The following FKBP9 variants were observed in gnomAD, a reference collection of about 807,000 sequenced individuals.
FKBP9 encodes the protein FKBP prolyl isomerase 9.
A neutral mutation model predicts 55.6 loss-of-function variants in FKBP9; 27 were observed. The observed-to-expected ratio is 0.49, with a 90% CI of 0.36 to 0.67. The LOEUF is 0.67. Among genes scored for constraint, FKBP9 ranks in the 30% least tolerant of loss-of-function variants. The pLI is 0.00. For missense variants in FKBP9, 539 were observed against 742.8 expected (o/e 0.73, Z 3.19); for synonymous variants, 267 against 296.5 (o/e 0.90, Z 1.02).
At chr7:32,965,288 A>C (rs1784110523) in intron 1 of FKBP9, among the ~76,000 whole-genome samples, 1 of 151,738 alleles carries the variant, frequency 6.6e-6, no homozygotes, top group Non-Finnish European at 1.5e-5. Flanking sequence ...ATGCTACCAC[A>C]CCTGGCTAAT....
At chr7:32,984,674 C>T (rs1316734422) in intron 5 of FKBP9, among the ~76,000 whole-genome samples, 12 of 152,204 alleles carry the variant, frequency 7.9e-5, no homozygotes, top group South Asian at 2.1e-4. Context: ...GTGTTAACAA[C>T]GTTCTGCAGT....
Position 33,004,236 on chromosome 7 carries a change from G to A in FKBP9, c.1537-939G>A, listed in dbSNP as rs117907309. On this transcript the variant is annotated intron_variant, in intron 9 of 9. Transcript: ENST00000242209. ...TCTTTCCCGGGTCACACACAGCAGT[G>A]GTGTTCATGAAGCTCCTCCTGCCCT... is the stretch of plus-strand genomic sequence containing the variant. Among the ~76,000 whole-genome samples, 1,548 of 152,162 alleles carry A rather than the reference G, an allele frequency of 0.01. 58 individuals carry two copies. The East Asian group carries it at 0.14, about 13-fold the overall frequency.
chr7:32,968,569 T>C (rs991697391), intron 1 of FKBP9, among the ~76,000 whole-genome samples: 1 of 150,564 alleles, frequency 6.6e-6, no homozygotes, highest in African/African-American at 2.5e-5. Context: ...GGTTTTCTTT[T>C]TCTTTCTTTT....
chr7:32,959,891 T>C (rs999568381), intron 1 of FKBP9, among the ~76,000 whole-genome samples: 1 of 152,214 alleles, frequency 6.6e-6, no homozygotes, highest in African/African-American at 2.4e-5. Context: ...AATGATGTTA[T>C]GAACATTCAT....
intron 1 of FKBP9, among the ~76,000 whole-genome samples, chr7:32,961,824 T>C (rs1784031004): frequency 6.6e-6 from 1 of 151,842 alleles, no homozygotes; most frequent in South Asian, 2.1e-4. Context: ...GAGAATCTAA[T>C]GCGTGATGAT....
chr7:33,001,672 A>G (rs1003698051), intron 8 of FKBP9, among the ~76,000 whole-genome samples: 5 of 152,118 alleles, frequency 3.3e-5, no homozygotes, highest in Non-Finnish European at 7.4e-5. Context: ...TTACCTTTAT[A>G]TATTCCATAC....
At position 32,988,506 on chromosome 7, in the gene FKBP9, G is replaced by T. The variant is rs1379238504; in HGVS notation, c.894-1G>T. 48 of 1,613,628 alleles carry T rather than the reference G, an allele frequency of 3.0e-5. No homozygotes were observed. Among genetic ancestry groups the T allele is most frequent in the Non-Finnish European group, 3.9e-5 (46 of 1,179,792 alleles). On this transcript the variant is annotated splice_acceptor_variant, in intron 5 of 9. Coordinates refer to ENST00000242209, the MANE Select transcript of FKBP9 (RefSeq NM_007270.5). LOFTEE classifies it high-confidence loss of function. ...TCTTTCTTTCCTTTCTTCTTTTCTA[G>T]CTACTCTCGGAACCGCACGTTTGAC... is the stretch of plus-strand genomic sequence containing the variant.
intron 1 of FKBP9, among the ~76,000 whole-genome samples, chr7:32,973,070 A>G (rs1784283107): frequency 6.6e-6 from 1 of 152,174 alleles, no homozygotes; most frequent in Non-Finnish European, 1.5e-5. Context: ...CGCGTCAGTG[A>G]GTAAAAATCT....
At chr7:32,971,327 T>A (rs1413622101) in intron 1 of FKBP9, among the ~76,000 whole-genome samples, 2 of 152,232 alleles carry the variant, frequency 1.3e-5, no homozygotes, top group Admixed American at 1.3e-4. Context: ...TATATAAATG[T>A]ATACATTTTC....
rs756924304 is a variant in FKBP9 at position 32,988,665 on chromosome 7, A to G, written c.1039+13A>G. ...GAGGAAGGAAGAGGTGAGCATCAGC[A>G]TCACCTGCCTTCCTCACTAGCTGTG... On this transcript the variant is annotated intron_variant, in intron 6 of 9. Coordinates refer to ENST00000242209, the MANE Select transcript of FKBP9 (RefSeq NM_007270.5). 6.2e-7 allele frequency: 1 copy of G among 1,613,126 alleles called. No homozygotes were observed. Among genetic ancestry groups the G allele is most frequent in the Non-Finnish European group, 8.5e-7 (1 of 1,179,172 alleles).
chr7:32,957,601 C>G lies in FKBP9; in HGVS notation c.28C>G (p.Pro10Ala), dbSNP rs1435415359. Reference sequence around the variant, plus strand: ...GGCGTTCCGGGGCTGGAGGCCCCCGCCGCCACCGCTGCTCCTGCTGCTGCT... The same window carrying G: ...GGCGTTCCGGGGCTGGAGGCCCCCGGCGCCACCGCTGCTCCTGCTGCTGCT... The part of the protein sequence containing the change: MAFRGWRPP[P>A]PPLLLLLLWV... Residue 10 changes from proline (P) to alanine (A), a missense_variant, in exon 1 of 10, where the codon CCG (proline) becomes GCG (alanine). Physicochemically the swap from Pro to Ala is conservative, Grantham distance 27 (BLOSUM62 -1). This residue lies in a region of FKBP9 where 236 missense variants were observed against 271.5 expected (regional missense o/e 0.87). Transcript: ENST00000242209. The G allele has an allele frequency of 1.5e-5, 22 of 1,475,350 alleles. No individual in the cohort carries two copies. Among genetic ancestry groups the G allele is most frequent in the Middle Eastern group, 2.1e-4 (1 of 4,690 alleles). The allele number at this position is 1,475,350 out of a possible 1,614,324, so 91.4% of individuals were successfully genotyped here.
intron 6 of FKBP9, among the ~76,000 whole-genome samples, chr7:32,992,138 CAT>C (rs202192553): frequency 0.01 from 1,590 of 152,236 alleles, 31 homozygotes; most frequent in African/African-American, 0.037. Flanking sequence ...TGTTGATACC[CAT>C]ATGTGGAGAA....
intron 4 of FKBP9, among the ~76,000 whole-genome samples, chr7:32,977,122 G>C (rs1211719737): frequency 6.6e-6 from 1 of 152,192 alleles, no homozygotes; most frequent in East Asian, 1.9e-4. Flanking sequence ...ATTACAACTA[G>C]TGTCCTGTTT....
At chr7:32,965,866 T>TGTATACACATATATATAC (rs1554284360) in intron 1 of FKBP9, among the ~76,000 whole-genome samples, 18 of 97,524 alleles carry the variant, frequency 1.8e-4, no homozygotes, top group African/African-American at 8.5e-4. Flanking sequence ...TATATATATA[T>TGTATACACATATATATAC]ACATACATAT....
chr7:33,001,666 C>A (rs1234566551), intron 8 of FKBP9, among the ~76,000 whole-genome samples: 3 of 151,730 alleles, frequency 2.0e-5, no homozygotes, highest in African/African-American at 7.3e-5. Flanking sequence ...TACACATTAC[C>A]TTTATATATT....
chr7:32,960,123 T>TC lies in FKBP9; in HGVS notation c.221+2329_221+2330insC, dbSNP rs1457984717. Among the ~76,000 whole-genome samples the TC allele has an allele frequency of 8.0e-5, 12 of 149,542 alleles. No individual in the cohort carries two copies. In the East Asian group the frequency reaches 2.3e-3, roughly 29 times the overall value. On this transcript the variant is annotated intron_variant, in intron 1 of 9. Coordinates refer to ENST00000242209, the MANE Select transcript of FKBP9 (RefSeq NM_007270.5). ...TTGTACTTGTCTTTTTTTTTTTTTT[T>TC]TTTTTTGAGATGGAATTTTGCTCTT...
chr7:32,957,863 C>T, intron 1 of FKBP9, 69 bp downstream of exon 1: 6 of 1,201,676 alleles, frequency 5.0e-6, no homozygotes, highest in South Asian at 1.8e-5. Context: ...AGGCCTTTCC[C>T]TCCTGCCGGA....
chr7:32,975,423 T>C (rs1024841302), intron 3 of FKBP9, 52 bp downstream of exon 3: 2 of 1,472,118 alleles, frequency 1.4e-6, no homozygotes, highest in Non-Finnish European at 1.9e-6. Context: ...TGCATAGTTC[T>C]TTCCTTCTGT....
At chr7:33,003,207 G>A (rs541524892) in intron 9 of FKBP9, among the ~76,000 whole-genome samples, 4 of 152,170 alleles carry the variant, frequency 2.6e-5, no homozygotes, top group Non-Finnish European at 5.9e-5. Flanking sequence ...TAAATGACTT[G>A]TCCAAGGTCA....
Sources: gnomAD v4.1 joint callset for allele counts (sites outside exome capture counted in the v4.1 genomes callset) on GRCh38, gnomAD v4.1.1 for gene constraint, gnomAD v4.1.1 regional missense constraint, MANE v1.5 for transcripts, NCBI Gene and HGNC (gene_info 2026-07-23, HGNC 2026-07-21) for gene names.